The following RHOQ variants were observed in gnomAD, a reference collection of about 807,000 sequenced individuals.
RHOQ encodes rho-related GTP-binding protein RhoQ.
Under a neutral mutation model 25.8 loss-of-function variants are expected in RHOQ, and 7 were observed. That is an observed-to-expected ratio of 0.27 (90% CI 0.15 to 0.51). RHOQ has a LOEUF of 0.51. RHOQ is among the 20% of genes least tolerant of loss of function. The probability of loss-of-function intolerance (pLI) is 0.97; values close to 1 mark genes in which losing one functional copy is unlikely to be tolerated. For synonymous variants in RHOQ, 97 were observed against 98.6 expected, an observed-to-expected ratio of 0.98 and a Z score of 0.10; for missense variants, 165 against 260.6, an observed-to-expected ratio of 0.63 and a Z score of 2.53.
In RHOQ at chr2:46,582,454, G is replaced by T. The variant is rs1558697204; in HGVS notation, c.*1371G>T. The T allele has an allele frequency of 6.6e-6, 1 of 152,134 alleles. No homozygotes were observed. Among genetic ancestry groups the T allele is most frequent in the Non-Finnish European group, 1.5e-5 (1 of 68,020 alleles). The allele number at this position is 152,134 out of a possible 1,614,324, so 9.4% of individuals were successfully genotyped here. On this transcript the variant is annotated 3_prime_UTR_variant, in exon 5 of 5. Transcript: ENST00000238738. Reference sequence around the variant, plus strand: ...TTACCTAATTCAGCTTCCTTGTTTGGTCTGCTGTGGATCTGCCTTATTGCA... The same window carrying T: ...TTACCTAATTCAGCTTCCTTGTTTGTTCTGCTGTGGATCTGCCTTATTGCA...
At position 46,552,532 on chromosome 2, in the gene RHOQ, T is replaced by C. The variant is rs1398558578; in HGVS notation, c.201+8720T>C. Among the ~76,000 whole-genome samples the C allele has an allele frequency of 1.3e-5, 2 of 152,238 alleles. No individual in the cohort carries two copies. The highest frequency in any genetic ancestry group is 2.9e-5 in the Non-Finnish European group (2 of 68,042). ...CCTCTGCAAAACTGTTTGTCCCTCC[T>C]TCATCTGAATATTCTCTAAATATGG... On this transcript the variant is annotated intron_variant, in intron 2 of 4. Transcript: ENST00000238738. This position sits in a 1 kb window ranked among gnomAD's most constrained non-coding sequence, Gnocchi z 5.0.
rs1029284699 is a variant in RHOQ at position 46,566,828 on chromosome 2, A to G, written c.202-9259A>G. 1.1e-4 allele frequency among the ~76,000 whole-genome samples: 16 copies of G among 152,126 alleles called. No homozygotes were observed. The highest frequency in any genetic ancestry group is 1.0e-3 in the Admixed American group (16 of 15,272). On this transcript the variant is annotated intron_variant, in intron 2 of 4. Coordinates refer to ENST00000238738, the MANE Select transcript of RHOQ (RefSeq NM_012249.4). The surrounding 1 kb of genome is among the most constrained non-coding windows in gnomAD (Gnocchi z 4.2). ...CGGTCCCTCAGGTCTCAGGTTGAAC[A>G]TCACCCCTGCAGAGAGGTCTTTCTT...
intron 2 of RHOQ, among the ~76,000 whole-genome samples, chr2:46,573,348 T>C (rs1414001302): frequency 6.6e-6 from 1 of 152,174 alleles, no homozygotes; most frequent in Non-Finnish European, 1.5e-5. Context: ...GTGTGGGCCA[T>C]CATGCCCGGC....
chr2:46,584,615 TA>T lies in RHOQ; in HGVS notation c.*3533del, dbSNP rs1295035974. On this transcript the variant is annotated 3_prime_UTR_variant, in exon 5 of 5. Coordinates refer to ENST00000238738, the MANE Select transcript of RHOQ (RefSeq NM_012249.4). ...AGGGTTACGGCTTGGAACACTTGGT[TA>T]TTCATGTTATGTAAATCAAGAAGTG... 2.6e-5 allele frequency among the ~76,000 whole-genome samples: 4 copies of T among 152,196 alleles called. No individual in the cohort carries two copies. Among genetic ancestry groups the T allele is most frequent in the Non-Finnish European group, 5.9e-5 (4 of 68,012 alleles).
intron 2 of RHOQ, among the ~76,000 whole-genome samples, chr2:46,551,283 C>G (rs1668234461): frequency 6.6e-6 from 1 of 152,208 alleles, no homozygotes; most frequent in Non-Finnish European, 1.5e-5. Context: ...CTAGCTTGAG[C>G]AGTCTCACCT....
intron 2 of RHOQ, among the ~76,000 whole-genome samples, chr2:46,547,576 C>T (rs1161991142): frequency 6.6e-6 from 1 of 152,238 alleles, no homozygotes; most frequent in Non-Finnish European, 1.5e-5. Flanking sequence ...CATGGGTGGT[C>T]CAGGAGCAGC....
At chr2:46,568,605 C>T (rs1464127364) in intron 2 of RHOQ, 2 of 152,214 alleles carry the variant, frequency 1.3e-5, no homozygotes, top group Non-Finnish European at 2.9e-5. Context: ...ACTCACTAGT[C>T]ATGCGGGCCT....
chr2:46,554,097 G>T (rs1411663337), intron 2 of RHOQ, among the ~76,000 whole-genome samples: 1 of 151,002 alleles, frequency 6.6e-6, no homozygotes, highest in African/African-American at 2.4e-5. Context: ...TGTTGCAAAT[G>T]ACAGGATCTC....
Position 46,556,805 on chromosome 2 carries a change from G to C in RHOQ, c.201+12993G>C, listed in dbSNP as rs550546454. 1.3e-5 allele frequency among the ~76,000 whole-genome samples: 2 copies of C among 152,236 alleles called. No homozygotes were observed. The highest frequency in any genetic ancestry group is 3.9e-4 in the East Asian group (2 of 5,176). On this transcript the variant is annotated intron_variant, in intron 2 of 4. Coordinates refer to ENST00000238738, the MANE Select transcript of RHOQ (RefSeq NM_012249.4). This position sits in a 1 kb window ranked among gnomAD's most constrained non-coding sequence, Gnocchi z 4.9. ...TAGAAAGGTGCCCAACTACCCGGCT[G>C]TTTGACCTGAGCTTCCCAGATAGGC...
intron 4 of RHOQ, among the ~76,000 whole-genome samples, chr2:46,579,111 C>G (rs1669247927): frequency 6.6e-6 from 1 of 152,170 alleles, no homozygotes; most frequent in African/African-American, 2.4e-5. Context: ...TATTATGTAG[C>G]TAAAGGGAAA....
At chr2:46,551,099 G>A (rs919598800) in intron 2 of RHOQ, among the ~76,000 whole-genome samples, 1 of 152,180 alleles carries the variant, frequency 6.6e-6, no homozygotes, top group African/African-American at 2.4e-5. Flanking sequence ...CCACTTCCCA[G>A]CAAGGGGCTT....
chr2:46,549,565 G>A (rs1273719273), intron 2 of RHOQ, among the ~76,000 whole-genome samples: 2 of 152,202 alleles, frequency 1.3e-5, no homozygotes, highest in African/African-American at 2.4e-5. Context: ...GAAACAAGAT[G>A]GAAGACCATG....
chr2:46,581,907 C>A lies in RHOQ; in HGVS notation c.*824C>A, dbSNP rs17035318. On this transcript the variant is annotated 3_prime_UTR_variant, in exon 5 of 5. Transcript: ENST00000238738. ...CCATAATGATAGACTCAATTTAGCTCTCTGAACTAGTTGGTAATTTTTTTT... is the reference window on the plus strand; with the variant it reads ...CCATAATGATAGACTCAATTTAGCTATCTGAACTAGTTGGTAATTTTTTTT... 2 of 223,972 alleles carry A rather than the reference C, an allele frequency of 8.9e-6. No individual in the cohort carries two copies. Among genetic ancestry groups the A allele is most frequent in the African/African-American group, 2.3e-5 (1 of 42,758 alleles). 13.9% of individuals were successfully genotyped at this position (223,972 alleles called of 1,614,324 possible).
intron 2 of RHOQ, among the ~76,000 whole-genome samples, chr2:46,574,330 C>G (rs968011891): frequency 6.9e-6 from 1 of 144,300 alleles, no homozygotes; most frequent in African/African-American, 2.8e-5. Context: ...AGATGACATA[C>G]TGTTTCTTTT....
rs1400785097 is a variant in RHOQ, at chr2:46,546,457, T to C, written c.201+2645T>C. Among the ~76,000 whole-genome samples, 19 of 4,988 alleles carry C rather than the reference T, an allele frequency of 3.8e-3. 1 individual carries two copies. Among genetic ancestry groups the C allele is most frequent in the South Asian group, 8.3e-3 (2 of 242 alleles). 3.3% of individuals were successfully genotyped at this position (4,988 alleles called of 152,430 possible). On this transcript the variant is annotated intron_variant, in intron 2 of 4. Coordinates refer to ENST00000238738, the MANE Select transcript of RHOQ (RefSeq NM_012249.4). ...GTATCCGTATACACATATACATATA[T>C]ATATATATATATATATGTGTATATA... is the stretch of plus-strand genomic sequence containing the variant.
In RHOQ at chr2:46,556,191, T is replaced by C. The variant is rs1668405611; in HGVS notation, c.201+12379T>C. 6.6e-6 allele frequency among the ~76,000 whole-genome samples: 1 copy of C among 152,238 alleles called. No individual in the cohort carries two copies. The highest frequency in any genetic ancestry group is 1.5e-5 in the Non-Finnish European group (1 of 68,044). ...CCCTTTGTGTCTGGCTTCTTTCACT[T>C]AGCATAACGTTTTCTAAGGTTCATC... On this transcript the variant is annotated intron_variant, in intron 2 of 4. Coordinates refer to ENST00000238738, the MANE Select transcript of RHOQ (RefSeq NM_012249.4). This position sits in a 1 kb window ranked among gnomAD's most constrained non-coding sequence, Gnocchi z 4.9.
At chr2:46,545,403 G>A (rs768700790) in intron 2 of RHOQ, among the ~76,000 whole-genome samples, 19 of 152,078 alleles carry the variant, frequency 1.2e-4, no homozygotes, top group Admixed American at 4.6e-4. Context: ...ATTTTTGACC[G>A]CACTCCCTGT....
chr2:46,563,617 T>C (rs1178282294), intron 2 of RHOQ, among the ~76,000 whole-genome samples: 3 of 152,062 alleles, frequency 2.0e-5, no homozygotes, highest in Admixed American at 1.3e-4. Context: ...TGGATGCATA[T>C]TGTGAAGAAT....
intron 2 of RHOQ, among the ~76,000 whole-genome samples, chr2:46,554,823 G>C (rs1668363596): frequency 7.3e-6 from 1 of 136,578 alleles, no homozygotes; most frequent in Non-Finnish European, 1.5e-5. Flanking sequence ...TTCCAATCTA[G>C]AAAACCCATC....
Sources: allele counts gnomAD v4.1 joint callset (sites outside exome capture counted in the v4.1 genomes callset), GRCh38; gene constraint gnomAD v4.1.1; non-coding constraint Gnocchi (gnomAD v3.1); transcripts MANE v1.5; gene names NCBI Gene and HGNC (gene_info 2026-07-23, HGNC 2026-07-21).